PI4K2A: variants seen among roughly 807,000 people sequenced by gnomAD.
PI4K2A encodes the protein phosphatidylinositol 4-kinase type 2-alpha.
A neutral mutation model predicts 55.0 loss-of-function variants in PI4K2A; 20 were observed. The ratio of observed to expected loss-of-function variants is 0.36; its 90% CI spans 0.26 to 0.53. The LOEUF is 0.53. PI4K2A is among the 20% of genes least tolerant of loss of function. The pLI is 0.91. For missense variants in PI4K2A, 463 were observed against 637.1 expected (o/e 0.73, Z 2.94); for synonymous variants, 235 against 258.5 (o/e 0.91, Z 0.87).
intron 2 of PI4K2A, among the ~76,000 whole-genome samples, chr10:97,653,026 C>T (rs768187532): frequency 2.1e-4 from 32 of 152,178 alleles, no homozygotes; most frequent in Non-Finnish European, 2.5e-4. Flanking sequence ...CTTACTTTTC[C>T]CTCTCTGTGC....
At chr10:97,666,626 G>T (rs893335569) in intron 7 of PI4K2A, 55 bp downstream of exon 7, 113 of 1,499,508 alleles carry the variant, frequency 7.5e-5, no homozygotes, top group Admixed American at 2.1e-5. Context: ...ATTTTTAATG[G>T]TTTTTTTAAT....
At chr10:97,644,243 C>T (rs780102582) in intron 1 of PI4K2A, among the ~76,000 whole-genome samples, 2 of 152,084 alleles carry the variant, frequency 1.3e-5, no homozygotes, top group Admixed American at 6.5e-5. Flanking sequence ...CCCAGCTACT[C>T]GGGAGGCTGA....
intron 8 of PI4K2A, among the ~76,000 whole-genome samples, chr10:97,670,015 TC>T (rs908525902): frequency 3.3e-5 from 5 of 152,046 alleles, no homozygotes; most frequent in African/African-American, 1.2e-4. Context: ...CAAGAAGTCC[TC>T]CCCCCTCAGC....
At chr10:97,653,550 C>T (rs1372297652) in intron 2 of PI4K2A, among the ~76,000 whole-genome samples, 1 of 152,200 alleles carries the variant, frequency 6.6e-6, no homozygotes, top group African/African-American at 2.4e-5. Context: ...TATCTTTGGT[C>T]TTCCTCTTTC....
intron 1 of PI4K2A, among the ~76,000 whole-genome samples, chr10:97,642,928 T>TC (rs1174333432): frequency 8.5e-6 from 1 of 118,018 alleles, no homozygotes; most frequent in African/African-American, 4.2e-5. Context: ...TTCCTTCCTT[T>TC]CTTTCCTTTC....
intron 2 of PI4K2A, among the ~76,000 whole-genome samples, chr10:97,653,661 A>G (rs879423794): frequency 3.9e-5 from 6 of 152,254 alleles, no homozygotes; most frequent in Admixed American, 3.9e-4. Flanking sequence ...TCACGCCTGT[A>G]ATCCCAGCAC....
Position 97,649,609 on chromosome 10 carries a change from ATTTTTTTTTTT to A in PI4K2A, c.436-1311_436-1301del, listed in dbSNP as rs60329004. On this transcript the variant is annotated intron_variant, in intron 1 of 8. Coordinates refer to ENST00000370631, the Ensembl canonical transcript of PI4K2A. The stretch of plus-strand genomic sequence containing the variant: ...TTTCCTTAACCTCATTCCATAATAG[ATTTTTTTTTTT>A]TTTTTTTTTTTTTTTTTTTTGAGGC... Among the ~76,000 whole-genome samples, 113 of 70,554 alleles carry A rather than the reference ATTTTTTTTTTT, an allele frequency of 1.6e-3. 1 individual carries two copies. The highest frequency in any genetic ancestry group is 6.3e-3 in the South Asian group (9 of 1,424). 46.3% of individuals were successfully genotyped at this position (70,554 alleles called of 152,430 possible).
chr10:97,659,559 T>G (rs925913104), intron 4 of PI4K2A, among the ~76,000 whole-genome samples: 4 of 151,992 alleles, frequency 2.6e-5, no homozygotes, highest in African/African-American at 9.7e-5. Flanking sequence ...TGAATAGAAG[T>G]AAAAGCAGGC....
intron 1 of PI4K2A, among the ~76,000 whole-genome samples, chr10:97,642,884 T>TCTTTCTTCCTTCCTTCCTTC (rs1564772365): frequency 1.0e-5 from 1 of 96,802 alleles, no homozygotes; most frequent in Admixed American, 9.6e-5. Context: ...TTTCTTTCTT[T>TCTTTCTTCCTTCCTTCCTTC]CTTCCTTCCT....
rs2041612706 is a variant in PI4K2A, at chr10:97,666,998, G to T, written c.1219-63G>T. The T allele has an allele frequency of 6.8e-5, 88 of 1,284,748 alleles. No individual in the cohort carries two copies. In the South Asian group the frequency reaches 1.1e-3, roughly 15 times the overall value. The allele number at this position is 1,284,748 out of a possible 1,614,324, so 79.6% of individuals were successfully genotyped here. A position where few individuals can be genotyped will look rare whatever the true frequency, so the allele number is the denominator to read the frequency against. Reference sequence around the variant, plus strand: ...CTTCTTAGAAAGTTTCTAACTGGGGGAGAAAATGGGTTCCTGTGAGGCATT... The same window carrying T: ...CTTCTTAGAAAGTTTCTAACTGGGGTAGAAAATGGGTTCCTGTGAGGCATT... On this transcript the variant is annotated intron_variant, in intron 7 of 8. Coordinates refer to ENST00000370631, the Ensembl canonical transcript of PI4K2A.
At chr10:97,652,003 G>A (rs1468810341) in intron 2 of PI4K2A, among the ~76,000 whole-genome samples, 1 of 152,114 alleles carries the variant, frequency 6.6e-6, no homozygotes, top group Non-Finnish European at 1.5e-5. Flanking sequence ...CTGATGCCCT[G>A]AGGCTGCTGA....
At chr10:97,659,874 G>T (rs1394017693) in intron 4 of PI4K2A, among the ~76,000 whole-genome samples, 1 of 151,944 alleles carries the variant, frequency 6.6e-6, no homozygotes, top group Non-Finnish European at 1.5e-5. Context: ...CACTACAATT[G>T]TTGTCCACGT....
intron 1 of PI4K2A, among the ~76,000 whole-genome samples, chr10:97,642,711 T>A (rs939105180): frequency 6.6e-6 from 1 of 152,014 alleles, no homozygotes. Context: ...ATAAAAGAGC[T>A]TGCAAGCTCA....
intron 2 of PI4K2A, among the ~76,000 whole-genome samples, chr10:97,654,830 G>A (rs2041544826): frequency 6.6e-6 from 1 of 151,804 alleles, no homozygotes; most frequent in African/African-American, 2.4e-5. Flanking sequence ...AATATTGATG[G>A]CTCATAAAAA....
rs147388015 is a variant in PI4K2A, at chr10:97,667,571, G to A, written c.1278+451G>A. ...ATTTTTGGCTGTACCTTAACACCTA[G>A]GAGAGGAAAAGTGGCCCTCCCAATT... On this transcript the variant is annotated intron_variant, in intron 8 of 8. Transcript: ENST00000370631. Among the ~76,000 whole-genome samples, 267 of 152,254 alleles carry A rather than the reference G, an allele frequency of 1.8e-3. 3 individuals carry two copies. The highest frequency in any genetic ancestry group is 5.2e-3 in the African/African-American group (217 of 41,536).
Position 97,642,806 on chromosome 10 carries a change from T to C in PI4K2A, c.435+1629T>C, listed in dbSNP as rs74404071. ...GCCAGAGGCTTGCTTGCTTTCTCTTTCTTCCTTCCTTCCTTCCTTCCTTCC... is the reference window on the plus strand; with the variant it reads ...GCCAGAGGCTTGCTTGCTTTCTCTTCCTTCCTTCCTTCCTTCCTTCCTTCC... On this transcript the variant is annotated intron_variant, in intron 1 of 8. Coordinates refer to ENST00000370631, the Ensembl canonical transcript of PI4K2A. Among the ~76,000 whole-genome samples, 207 of 105,370 alleles carry C rather than the reference T, an allele frequency of 2.0e-3. 13 individuals carry two copies. Among genetic ancestry groups the C allele is most frequent in the Admixed American group, 4.6e-3 (44 of 9,536 alleles). The allele number at this position is 105,370 out of a possible 152,430, so 69.1% of individuals were successfully genotyped here. A position where few individuals can be genotyped will look rare whatever the true frequency, so the allele number is the denominator to read the frequency against.
At chr10:97,671,137 CAG>C (rs1372490079) in intron 8 of PI4K2A, among the ~76,000 whole-genome samples, 1 of 139,808 alleles carries the variant, frequency 7.2e-6, no homozygotes, top group African/African-American at 2.6e-5. Flanking sequence ...AACTCCGTCT[CAG>C]AAAAAAAAAA....
At chr10:97,674,674 T>G (rs1012109915) in exon 9 of PI4K2A, 1 of 152,210 alleles carries the variant, frequency 6.6e-6, no homozygotes, top group Non-Finnish European at 1.5e-5. Flanking sequence ...CCCCCAACTC[T>G]TTTGATGTAA....
At chr10:97,640,702 G>T in exon 1 of PI4K2A, 2 of 1,387,584 alleles carry the variant, frequency 1.4e-6, no homozygotes, top group East Asian at 2.8e-5. Flanking sequence ...CGAGCGCAGT[G>T]GTGTGGAGCG....
Sources: gnomAD v4.1 joint callset for allele counts (sites outside exome capture counted in the v4.1 genomes callset) on GRCh38, gnomAD v4.1.1 for gene constraint, MANE v1.5 for transcripts, NCBI Gene and HGNC (gene_info 2026-07-23, HGNC 2026-07-21) for gene names.